Variants in MACF1 observed in about 807,000 individuals in gnomAD.
MACF1 encodes the protein microtubule actin crosslinking factor 1.
MACF1 carries 193 observed loss-of-function variants against 854.8 expected under a neutral mutation model. That is an observed-to-expected ratio of 0.23 (90% CI 0.20 to 0.25). The LOEUF (loss-of-function observed/expected upper bound fraction) is 0.25. MACF1 is among the 10% of genes least tolerant of loss of function. The pLI is 1.00. For missense variants in MACF1, 7,722 were observed against 8,929.1 expected, an observed-to-expected ratio of 0.86 and a Z score of 5.45; for synonymous variants, 3,185 against 3,226.7, an observed-to-expected ratio of 0.99 and a Z score of 0.44.
intron 2 of MACF1, among the ~76,000 whole-genome samples, chr1:39,188,218 G>A (rs1011822515): frequency 2.6e-4 from 40 of 151,928 alleles, no homozygotes; most frequent in African/African-American, 8.9e-4. Flanking sequence ...CAGGTGGATT[G>A]CTTGAGCCCA....
Position 39,333,429 on chromosome 1 carries a change from G to C in MACF1, c.6841G>C (p.Glu2281Gln). The C allele has an allele frequency of 6.2e-7, 1 of 1,614,148 alleles. No individual in the cohort carries two copies. The highest frequency in any genetic ancestry group is 8.5e-7 in the Non-Finnish European group (1 of 1,180,014). The change falls in exon 37 of 101, where the codon GAA becomes CAA. Residue 2281 changes from glutamate (E) to glutamine (Q), a missense_variant. Transcript: ENST00000564288. ...ATGCAGTCATCCATTAGAATTGCTTGAAGAAGCTACCTTAAATGTATTATC... is the reference window on the plus strand; with the variant it reads ...ATGCAGTCATCCATTAGAATTGCTTCAAGAAGCTACCTTAAATGTATTATC... ...LSCSHPLELLEEATLNVLSAQ... is the reference protein window; with the variant it reads ...LSCSHPLELLQEATLNVLSAQ...
chr1:39,294,045 T>C (rs560669729), intron 18 of MACF1, among the ~76,000 whole-genome samples: 2 of 152,248 alleles, frequency 1.3e-5, no homozygotes, highest in African/African-American at 2.4e-5. Flanking sequence ...CCTCCCCTAA[T>C]AGCACGTATT....
intron 70 of MACF1, among the ~76,000 whole-genome samples, chr1:39,437,434 C>T (rs12075503): frequency 0.031 from 4,758 of 152,088 alleles, 230 homozygotes; most frequent in African/African-American, 0.11. Flanking sequence ...CCTCAGCCTC[C>T]CTAGTAGCTG....
chr1:39,094,574 C>G (rs747791596), intron 2 of MACF1, among the ~76,000 whole-genome samples: 1 of 151,912 alleles, frequency 6.6e-6, no homozygotes, highest in African/African-American at 2.4e-5. Flanking sequence ...CAAAATTAGC[C>G]GGGCGTGGTG....
intron 38 of MACF1, 103 bp downstream of exon 38, chr1:39,337,434 C>A: frequency 8.8e-7 from 1 of 1,134,366 alleles, no homozygotes; most frequent in Non-Finnish European, 1.2e-6. Flanking sequence ...GCACTCTATT[C>A]TAGGGTAAAC....
At chr1:39,158,952 A>G (rs976361625) in intron 2 of MACF1, among the ~76,000 whole-genome samples, 2 of 152,128 alleles carry the variant, frequency 1.3e-5, no homozygotes, top group African/African-American at 4.8e-5. Flanking sequence ...CAGTGAACCA[A>G]CTCAACTGGG....
chr1:39,346,726 A>G (rs1025001230), intron 40 of MACF1, among the ~76,000 whole-genome samples: 3 of 151,962 alleles, frequency 2.0e-5, no homozygotes, highest in African/African-American at 4.8e-5. Context: ...TCACCGTGTT[A>G]GCCAGGATGG....
intron 2 of MACF1, among the ~76,000 whole-genome samples, chr1:39,239,154 G>A (rs977146410): frequency 2.0e-5 from 3 of 152,142 alleles, no homozygotes; most frequent in Admixed American, 6.5e-5. Flanking sequence ...GGTGGCTGGC[G>A]CCTATAATCC....
chr1:39,448,146 G>A lies in MACF1; in HGVS notation c.20082G>A (p.Lys6694=), dbSNP rs1454466804. The change falls in exon 83 of 101, where the codon AAG becomes AAA. Residue 6694 remains lysine, a synonymous_variant. Coordinates refer to ENST00000564288, the MANE Select transcript of MACF1 (RefSeq NM_001394062.1). ...ACAAAATTAAACTTCAGCTTTCTAAGCATAAGGTAAAGCAGTTAATTGCTC... is the reference window on the plus strand; with the variant it reads ...ACAAAATTAAACTTCAGCTTTCTAAACATAAGGTAAAGCAGTTAATTGCTC... The part of the protein sequence containing the change: ...DPDKIKLQLS[K]HKEFQKTLGG... 1 of 1,613,850 alleles carries A rather than the reference G, an allele frequency of 6.2e-7. No homozygotes were observed.
chr1:39,126,810 C>A (rs966113041), intron 2 of MACF1, among the ~76,000 whole-genome samples: 15 of 151,652 alleles, frequency 9.9e-5, no homozygotes, highest in African/African-American at 3.6e-4. Context: ...ACACAAAAAA[C>A]AAACAAAAAA....
chr1:39,415,004 C>T (rs1164972417), intron 58 of MACF1, among the ~76,000 whole-genome samples: 1 of 152,116 alleles, frequency 6.6e-6, no homozygotes, highest in Non-Finnish European at 1.5e-5. Context: ...TTTAAGGTAC[C>T]AAGCGTATAA....
intron 2 of MACF1, among the ~76,000 whole-genome samples, chr1:39,159,601 C>A (rs1204787521): frequency 6.6e-6 from 1 of 152,196 alleles, no homozygotes; most frequent in Non-Finnish European, 1.5e-5. Flanking sequence ...ATAGTGTTTT[C>A]TTTGCATCAT....
At chr1:39,153,217 G>C (rs1476574439) in intron 2 of MACF1, among the ~76,000 whole-genome samples, 1 of 152,146 alleles carries the variant, frequency 6.6e-6, no homozygotes, top group African/African-American at 2.4e-5. Flanking sequence ...TCTTACCTCT[G>C]ATCTTTTCCT....
At chr1:39,218,100 G>A (rs1339612325) in intron 1 of MACF1, among the ~76,000 whole-genome samples, 3 of 142,058 alleles carry the variant, frequency 2.1e-5, no homozygotes, top group Admixed American at 7.6e-5. Context: ...GGAGAATGGC[G>A]TAAACCCAGG....
chr1:39,159,278 T>C (rs74069446), intron 2 of MACF1, among the ~76,000 whole-genome samples: 4,722 of 152,374 alleles, frequency 0.031, 237 homozygotes, highest in African/African-American at 0.11. Flanking sequence ...CCTGTATTCT[T>C]GAGCTCAGAG....
rs35152805 is a variant in MACF1, at chr1:39,411,902, C to T, written c.15817-10472C>T. On this transcript the variant is annotated intron_variant, in intron 58 of 100. Transcript: ENST00000564288. ...GGATATTTTAATACCCTGGATTCTT[C>T]TCAGGTGCCTAATGCTGTGGAACTT... 24 of 1,613,894 alleles carry T rather than the reference C, an allele frequency of 1.5e-5. No individual in the cohort carries two copies. The South Asian group carries it at 2.5e-4, about 17-fold the overall frequency.
chr1:39,118,171 A>G (rs1009331208), intron 2 of MACF1, among the ~76,000 whole-genome samples: 1 of 152,228 alleles, frequency 6.6e-6, no homozygotes, highest in African/African-American at 2.4e-5. Flanking sequence ...TATCTTTGTA[A>G]CTTGAGAAAA....
chr1:39,414,470 C>A, intron 58 of MACF1: 1 of 1,613,956 alleles, frequency 6.2e-7, no homozygotes, highest in Non-Finnish European at 8.5e-7. Flanking sequence ...GGATTAAATT[C>A]AGATGAGGTA....
chr1:39,098,255 A>T (rs1012438376), intron 2 of MACF1, among the ~76,000 whole-genome samples: 1 of 152,260 alleles, frequency 6.6e-6, no homozygotes, highest in African/African-American at 2.4e-5. Flanking sequence ...GGCGCTCAGC[A>T]TCTTACATGC....
Sources: allele counts gnomAD v4.1 joint callset (sites outside exome capture counted in the v4.1 genomes callset), GRCh38; gene constraint gnomAD v4.1.1; transcripts MANE v1.5; gene names NCBI Gene and HGNC (gene_info 2026-07-23, HGNC 2026-07-21).